The following NKAIN2 variants were observed in gnomAD, a reference collection of about 807,000 sequenced individuals.
NKAIN2 encodes sodium/potassium-transporting ATPase subunit beta-1-interacting protein 2.
NKAIN2 carries 14 observed loss-of-function variants against 32.6 expected under a neutral mutation model. The observed-to-expected ratio is 0.43, with a 90% CI of 0.28 to 0.67. The LOEUF (loss-of-function observed/expected upper bound fraction) is 0.67. NKAIN2 is among the 30% of genes least tolerant of loss of function. The pLI, the probability that NKAIN2 is intolerant of heterozygous loss-of-function variation, is 0.17. For synonymous variants in NKAIN2, 80 were observed against 87.2 expected, an observed-to-expected ratio of 0.92 and a Z score of 0.46; for missense variants, 198 against 258.3, an observed-to-expected ratio of 0.77 and a Z score of 1.60.
At chr6:123,884,892 T>C (rs901457544) in intron 1 of NKAIN2, among the ~76,000 whole-genome samples, 4 of 152,162 alleles carry the variant, frequency 2.6e-5, no homozygotes, top group Admixed American at 1.3e-4. Context: ...ACAGTGTCTA[T>C]ATTTTTAGTT....
intron 1 of NKAIN2, among the ~76,000 whole-genome samples, chr6:123,812,195 C>G (rs910276509): frequency 1.3e-5 from 2 of 152,060 alleles, no homozygotes; most frequent in Non-Finnish European, 2.9e-5. Flanking sequence ...TTCTGATATC[C>G]CCTATTAATC....
intron 3 of NKAIN2, among the ~76,000 whole-genome samples, chr6:124,423,219 C>A (rs1050763051): frequency 6.6e-6 from 1 of 152,042 alleles, no homozygotes; most frequent in Admixed American, 6.5e-5. Flanking sequence ...GTCATATGAA[C>A]TATTACTATT....
chr6:124,547,235 C>T (rs2114858223), intron 3 of NKAIN2, among the ~76,000 whole-genome samples: 1 of 152,110 alleles, frequency 6.6e-6, no homozygotes, highest in East Asian at 1.9e-4. Flanking sequence ...GTCTAAAATG[C>T]ATTTGCACAA....
chr6:124,672,711 T>A (rs1437350317), intron 4 of NKAIN2, among the ~76,000 whole-genome samples: 1 of 152,002 alleles, frequency 6.6e-6, no homozygotes, highest in Non-Finnish European at 1.5e-5. Context: ...TAGATATAAC[T>A]GATATTAAAT....
At chr6:124,790,502 C>A (rs779924776) in intron 4 of NKAIN2, among the ~76,000 whole-genome samples, 3 of 152,136 alleles carry the variant, frequency 2.0e-5, no homozygotes, top group Middle Eastern at 6.8e-3. Context: ...GAGGACATAC[C>A]TTTAAGGATT....
At chr6:124,717,992 A>G (rs1451621267) in intron 4 of NKAIN2, among the ~76,000 whole-genome samples, 1 of 152,210 alleles carries the variant, frequency 6.6e-6, no homozygotes, top group East Asian at 1.9e-4. Flanking sequence ...CATCTAATTA[A>G]CAGAACAAAA....
At chr6:123,809,903 A>G (rs114851418) in intron 1 of NKAIN2, among the ~76,000 whole-genome samples, 13 of 152,304 alleles carry the variant, frequency 8.5e-5, no homozygotes, top group African/African-American at 3.1e-4. Context: ...TGATCCCTGT[A>G]AAAACTCCTT....
chr6:124,152,387 G>A (rs1582747195), intron 1 of NKAIN2, among the ~76,000 whole-genome samples: 1 of 151,878 alleles, frequency 6.6e-6, no homozygotes, highest in African/African-American at 2.4e-5. Flanking sequence ...GGTAGTGTAT[G>A]TCTTGCAGCT....
Position 123,916,960 on chromosome 6 carries a change from A to G in NKAIN2, c.54+112706A>G, listed in dbSNP as rs150426669. Among the ~76,000 whole-genome samples the G allele has an allele frequency of 2.6e-5, 4 of 152,262 alleles. No individual in the cohort carries two copies. In the East Asian group the frequency reaches 5.8e-4, roughly 22 times the overall value. On this transcript the variant is annotated intron_variant, in intron 1 of 6. Transcript: ENST00000368417. ...TCTCTAAAGTTAAGACCTGATGTCA[A>G]TGTCAAAAGTCAGTCCTCTTCAAAA...
intron 3 of NKAIN2, among the ~76,000 whole-genome samples, chr6:124,621,608 T>G (rs952431236): frequency 6.6e-6 from 1 of 152,190 alleles, no homozygotes; most frequent in Non-Finnish European, 1.5e-5. Context: ...AGAGACTGTC[T>G]GTGATCCCTG....
At chr6:124,590,454 G>T (rs780889415) in intron 3 of NKAIN2, among the ~76,000 whole-genome samples, 1 of 152,192 alleles carries the variant, frequency 6.6e-6, no homozygotes, top group Non-Finnish European at 1.5e-5. Flanking sequence ...TCATTTCAGA[G>T]CTGACTTTAT....
rs532240010 is a variant in NKAIN2 at position 124,052,725 on chromosome 6, G to A, written c.55-230280G>A. Among the ~76,000 whole-genome samples the A allele has an allele frequency of 5.3e-5, 8 of 152,192 alleles. No homozygotes were observed. In the South Asian group the frequency reaches 1.4e-3, roughly 28 times the overall value. ...ACCCTCAGTTATCTTACCAAAACAA[G>A]TACTTAAAGGTATTCAAAGAGTGGT... On this transcript the variant is annotated intron_variant, in intron 1 of 6. Coordinates refer to ENST00000368417, the MANE Select transcript of NKAIN2 (RefSeq NM_001040214.3).
chr6:124,034,413 C>A (rs1017076486), intron 1 of NKAIN2, among the ~76,000 whole-genome samples: 1 of 151,982 alleles, frequency 6.6e-6, no homozygotes. Context: ...AGGATAATGA[C>A]CTCTGGGTCC....
intron 4 of NKAIN2, among the ~76,000 whole-genome samples, chr6:124,707,681 TG>T: frequency 1.3e-5 from 2 of 151,834 alleles, no homozygotes; most frequent in Middle Eastern, 6.8e-3. Flanking sequence ...CACTTTTTGA[TG>T]GGGTTGTTTG....
At chr6:124,107,449 G>A (rs1243516284) in intron 1 of NKAIN2, among the ~76,000 whole-genome samples, 1 of 152,072 alleles carries the variant, frequency 6.6e-6, no homozygotes, top group African/African-American at 2.4e-5. Context: ...TGAGGTGGTA[G>A]CTCAATTTCT....
At chr6:123,891,638 G>A (rs1445761903) in intron 1 of NKAIN2, among the ~76,000 whole-genome samples, 1 of 152,130 alleles carries the variant, frequency 6.6e-6, no homozygotes, top group Non-Finnish European at 1.5e-5. Flanking sequence ...CCAACTGACT[G>A]CAGCCATTCT....
chr6:124,219,232 A>T (rs1220339872), intron 1 of NKAIN2, among the ~76,000 whole-genome samples: 1 of 149,830 alleles, frequency 6.7e-6, no homozygotes, highest in Non-Finnish European at 1.5e-5. Flanking sequence ...TTATTTATTA[A>T]CTCATTGAGC....
At chr6:124,092,514 C>A (rs1479278779) in intron 1 of NKAIN2, among the ~76,000 whole-genome samples, 1 of 151,800 alleles carries the variant, frequency 6.6e-6, no homozygotes, top group Non-Finnish European at 1.5e-5. Flanking sequence ...TAATTCTTTC[C>A]TTTGTGGGGC....
chr6:123,825,478 A>G (rs759059974), intron 1 of NKAIN2, among the ~76,000 whole-genome samples: 1 of 152,172 alleles, frequency 6.6e-6, no homozygotes, highest in African/African-American at 2.4e-5. Flanking sequence ...GATATGTACC[A>G]GTATAATATC....
Sources: allele counts gnomAD v4.1 joint callset (sites outside exome capture counted in the v4.1 genomes callset), GRCh38; gene constraint gnomAD v4.1.1; transcripts MANE v1.5; gene names NCBI Gene and HGNC (gene_info 2026-07-23, HGNC 2026-07-21).